INTS4: variants seen among roughly 807,000 people sequenced by gnomAD.
INTS4 encodes integrator complex subunit 4.
In INTS4, 70 loss-of-function variants were observed where a neutral mutation model predicts 119.5. The ratio of observed to expected loss-of-function variants is 0.59; its 90% confidence interval spans 0.48 to 0.71. INTS4 has a LOEUF of 0.71. Among genes scored for constraint, INTS4 ranks in the 30% least tolerant of loss-of-function variants. The pLI, the probability that INTS4 is intolerant of heterozygous loss-of-function variation, is 0.00. For synonymous variants in INTS4, 316 were observed against 419.6 expected (o/e 0.75, Z 3.02); for missense variants, 867 against 1,173.2 (o/e 0.74, Z 3.81).
At position 77,907,743 on chromosome 11, in the gene INTS4, G is replaced by C; in HGVS notation, c.1990C>G (p.Leu664Val). ...TTGATGAGAAGTAGTTGACAGCGAA[G>C]ATAGGTGGCAGAGAAATCAGCTACT... ...AGVADFSATY[L>V]RCQLLLIKAL... The change falls in exon 16 of 23, where the codon CTT becomes GTT. Residue 664 changes from leucine (L) to valine (V), a missense_variant. Around this residue, in one of 5 missense-constraint regions of INTS4, gnomAD observed 262 missense variants for 376.0 expected, o/e 0.70. Coordinates refer to ENST00000534064, the MANE Select transcript of INTS4 (RefSeq NM_033547.4). 2 of 1,613,714 alleles carry C rather than the reference G, an allele frequency of 1.2e-6. No homozygotes were observed. Among genetic ancestry groups the C allele is most frequent in the Non-Finnish European group, 1.7e-6 (2 of 1,179,698 alleles).
chr11:77,989,471 T>A (rs1214549551), intron 2 of INTS4, among the ~76,000 whole-genome samples: 1 of 151,486 alleles, frequency 6.6e-6, no homozygotes, highest in Non-Finnish European at 1.5e-5. Flanking sequence ...AAAAAAATAA[T>A]AACAAAATAA....
downstream of INTS4, chr11:77,876,851 A>G (rs989824204): frequency 2.1e-5 from 13 of 625,440 alleles, no homozygotes; most frequent in Non-Finnish European, 2.9e-5. Context: ...AGGGGTACTT[A>G]TCTGAAAAAT....
At position 77,928,430 on chromosome 11, in the gene INTS4, C is replaced by T. The variant is rs746851622; in HGVS notation, c.1283G>A (p.Arg428His). Residue 428 changes from arginine to histidine, a missense_variant, in exon 11 of 23, where the codon CGT (arginine) becomes CAT (histidine). Arg to His is a conservative substitution (Grantham distance 29, BLOSUM62 0). Transcript: ENST00000534064. ...TCTCATGGTATGTATAGACTGCAGA[C>T]GTACTTCCTCAATTTCATCGTTGAA... ...DMFNDEIEEVRLQSIHTMRKI... is the reference protein window; with the variant it reads ...DMFNDEIEEVHLQSIHTMRKI... 8.7e-6 allele frequency: 14 copies of T among 1,611,926 alleles called. No individual in the cohort carries two copies. Among genetic ancestry groups the T allele is most frequent in the Admixed American group, 6.7e-5 (4 of 59,950 alleles).
At chr11:77,910,926 A>G in intron 15 of INTS4, 7 of 1,113,174 alleles carry the variant, frequency 6.3e-6, no homozygotes, top group Non-Finnish European at 8.4e-6. Flanking sequence ...TTACTTTTTA[A>G]TAGCAACATT....
intron 15 of INTS4, among the ~76,000 whole-genome samples, chr11:77,910,469 C>T (rs1050429863): frequency 2.0e-5 from 3 of 150,168 alleles, no homozygotes; most frequent in Non-Finnish European, 4.4e-5. Flanking sequence ...GGAGGGATAG[C>T]ATTAGGAGAT....
intron 22 of INTS4, 112 bp downstream of exon 22, chr11:77,883,720 C>T: frequency 8.6e-7 from 1 of 1,168,906 alleles, no homozygotes; most frequent in Non-Finnish European, 1.2e-6. Flanking sequence ...TCAATTCTTA[C>T]AAGGCCTGAT....
chr11:77,952,584 A>G (rs1954222489), intron 8 of INTS4, among the ~76,000 whole-genome samples: 2 of 152,222 alleles, frequency 1.3e-5, no homozygotes, highest in Admixed American at 1.3e-4. Context: ...AGTAGTAATT[A>G]TTATTATCAG....
Position 77,878,757 on chromosome 11 carries a change from G to T in INTS4, c.*192C>A. 1 of 693,056 alleles carries T rather than the reference G, an allele frequency of 1.4e-6. No individual in the cohort carries two copies. Among genetic ancestry groups the T allele is most frequent in the Non-Finnish European group, 2.6e-6 (1 of 383,476 alleles). The allele number at this position is 693,056 out of a possible 1,614,324, so 42.9% of individuals were successfully genotyped here. On this transcript the variant is annotated 3_prime_UTR_variant, in exon 23 of 23. Transcript: ENST00000534064. ...CAACTTTATTGTGGACAGGAGAAGG[G>T]TAAGTAGACTTGAAGGTTTTTTATT...
intron 4 of INTS4, among the ~76,000 whole-genome samples, chr11:77,967,721 CTGAAAA>C (rs1012106419): frequency 6.6e-6 from 1 of 151,932 alleles, no homozygotes; most frequent in African/African-American, 2.4e-5. Flanking sequence ...TGAATCTAAA[CTGAAAA>C]TATCAGATAA....
chr11:77,972,896 A>G (rs181636302), intron 4 of INTS4, among the ~76,000 whole-genome samples: 88 of 151,208 alleles, frequency 5.8e-4, no homozygotes, highest in Admixed American at 1.3e-3. Flanking sequence ...GAGTGGCATA[A>G]TCAAGGCTCA....
chr11:77,878,567 C>A (rs1427656296), downstream of INTS4: 2 of 517,658 alleles, frequency 3.9e-6, no homozygotes, highest in African/African-American at 3.9e-5. Context: ...CACACCGTCA[C>A]TTTAAGAAAT....
intron 22 of INTS4, among the ~76,000 whole-genome samples, chr11:77,882,401 G>GT (rs57431477): frequency 0.75 from 114,128 of 151,990 alleles, 43,645 homozygotes; most frequent in African/African-American, 0.9. Flanking sequence ...GGACAAGTCA[G>GT]ACCCTCTCAA....
At chr11:77,945,912 C>A (rs987880578) in intron 8 of INTS4, among the ~76,000 whole-genome samples, 11 of 152,206 alleles carry the variant, frequency 7.2e-5, no homozygotes, top group African/African-American at 1.7e-4. Flanking sequence ...AACTGCCCAG[C>A]CCCACTGCAC....
chr11:77,994,463 A>AC, intron 1 of INTS4, 127 bp downstream of exon 1: 1 of 737,710 alleles, frequency 1.4e-6, no homozygotes, highest in Non-Finnish European at 2.4e-6. Context: ...TTGCAATATC[A>AC]GAGATTATCA....
chr11:77,931,690 T>C (rs570645573), intron 10 of INTS4, among the ~76,000 whole-genome samples: 1 of 152,190 alleles, frequency 6.6e-6, no homozygotes, highest in African/African-American at 2.4e-5. Flanking sequence ...CTTCAAACTA[T>C]ACTACAAGGC....
chr11:77,994,649 C>T lies in INTS4; in HGVS notation c.-6G>A, dbSNP rs759166538. ...TTCTTAAGGTGCGCCGCCATGCCTA[C>T]CCGCGGGCCCTCTCAGCTTCCGTAC... is the stretch of plus-strand genomic sequence containing the variant. On this transcript the variant is annotated 5_prime_UTR_variant, in exon 1 of 23. Coordinates refer to ENST00000534064, the MANE Select transcript of INTS4 (RefSeq NM_033547.4). The T allele has an allele frequency of 6.2e-7, 1 of 1,614,186 alleles. No individual in the cohort carries two copies. Among genetic ancestry groups the T allele is most frequent in the South Asian group, 1.1e-5 (1 of 91,090 alleles).
At chr11:77,989,864 A>C (rs759391611) in intron 2 of INTS4, among the ~76,000 whole-genome samples, 2 of 152,128 alleles carry the variant, frequency 1.3e-5, no homozygotes, top group African/African-American at 2.4e-5. Flanking sequence ...GCACCACTGC[A>C]CTCCCGCCTG....
intron 22 of INTS4, among the ~76,000 whole-genome samples, chr11:77,881,911 GTTTT>G (rs951135442): frequency 4.1e-5 from 6 of 144,990 alleles, no homozygotes; most frequent in Non-Finnish European, 9.1e-5. Flanking sequence ...GTTTCTGATG[GTTTT>G]TTTTTTTTTC....
At chr11:77,880,861 C>G (rs1436045566) in intron 22 of INTS4, among the ~76,000 whole-genome samples, 2 of 152,060 alleles carry the variant, frequency 1.3e-5, no homozygotes, top group African/African-American at 4.8e-5. Context: ...GGAGGAACCA[C>G]TTGAGCCCGA....
Sources: allele counts gnomAD v4.1 joint callset (sites outside exome capture counted in the v4.1 genomes callset), GRCh38; gene constraint gnomAD v4.1.1; regional missense constraint gnomAD v4.1.1; transcripts MANE v1.5; gene names NCBI Gene and HGNC (gene_info 2026-07-23, HGNC 2026-07-21).